RSRC1: variants seen among roughly 807,000 people sequenced by gnomAD.
The protein encoded by RSRC1 is serine/Arginine-related protein 53.
A neutral mutation model predicts 49.1 loss-of-function variants in RSRC1; 39 were observed. The ratio of observed to expected loss-of-function variants is 0.79; its 90% CI spans 0.61 to 1.04. The LOEUF (loss-of-function observed/expected upper bound fraction) is 1.04. Ranked by LOEUF, RSRC1 falls within the 50% of genes least tolerant of loss-of-function variation. The pLI, the probability that RSRC1 is intolerant of heterozygous loss-of-function variation, is 0.00. For synonymous variants in RSRC1, 143 were observed against 130.8 expected (o/e 1.09, Z -0.63); for missense variants, 388 against 402.4 (o/e 0.96, Z 0.31).
At chr3:158,435,219 A>AT (rs1285924280) in intron 6 of RSRC1, among the ~76,000 whole-genome samples, 4 of 151,588 alleles carry the variant, frequency 2.6e-5, no homozygotes, top group Admixed American at 1.3e-4. Context: ...AATCTCTTGC[A>AT]TTTTTTTTAA....
At chr3:158,516,820 C>T (rs536131992) in intron 7 of RSRC1, among the ~76,000 whole-genome samples, 7 of 152,316 alleles carry the variant, frequency 4.6e-5, no homozygotes, top group South Asian at 2.1e-4. Context: ...TTAAGCCCGT[C>T]GGAAAAGTGC....
chr3:158,444,601 A>G (rs532667988), intron 6 of RSRC1, among the ~76,000 whole-genome samples: 1 of 152,310 alleles, frequency 6.6e-6, no homozygotes, highest in South Asian at 2.1e-4. Flanking sequence ...GGCATGGGCA[A>G]GGACTTCATG....
intron 6 of RSRC1, among the ~76,000 whole-genome samples, chr3:158,442,271 G>A (rs1263136641): frequency 1.3e-5 from 2 of 152,022 alleles, no homozygotes; most frequent in Non-Finnish European, 2.9e-5. Context: ...AACATGCAAT[G>A]CTATTAGATA....
chr3:158,288,511 G>A (rs140701263), intron 4 of RSRC1, among the ~76,000 whole-genome samples: 14 of 152,258 alleles, frequency 9.2e-5, no homozygotes, highest in African/African-American at 3.1e-4. Context: ...TTTGTCCTGC[G>A]TGTGGGAAGT....
rs1295692839 is a variant in RSRC1, at chr3:158,347,647, A to G, written c.532-7210A>G. Among the ~76,000 whole-genome samples the G allele has an allele frequency of 1.4e-4, 21 of 152,210 alleles. No homozygotes were observed. In the East Asian group the frequency reaches 2.5e-3, roughly 18 times the overall value. ...TGCAACCTCAAACTCCTGGGCTCAA[A>G]TAATCCTCCCGCCTCTGCCTCCCAA... On this transcript the variant is annotated intron_variant, in intron 5 of 9. Coordinates refer to ENST00000611884, the MANE Select transcript of RSRC1 (RefSeq NM_001271838.2).
intron 3 of RSRC1, among the ~76,000 whole-genome samples, chr3:158,126,572 G>A (rs1297908083): frequency 2.0e-5 from 3 of 151,882 alleles, no homozygotes; most frequent in Non-Finnish European, 4.4e-5. Context: ...TTTTTATACT[G>A]TCATCTTTTC....
At chr3:158,410,494 G>T (rs1205280783) in intron 6 of RSRC1, among the ~76,000 whole-genome samples, 2 of 152,094 alleles carry the variant, frequency 1.3e-5, no homozygotes, top group Non-Finnish European at 2.9e-5. Flanking sequence ...TGATTTTCAT[G>T]ATTGTCTGAT....
intron 7 of RSRC1, among the ~76,000 whole-genome samples, chr3:158,515,402 T>C (rs1740458667): frequency 7.8e-6 from 1 of 128,906 alleles, no homozygotes; most frequent in Non-Finnish European, 1.6e-5. Flanking sequence ...AAAATTCTTT[T>C]CTTTAAGAAT....
intron 5 of RSRC1, among the ~76,000 whole-genome samples, chr3:158,316,515 G>C (rs951117280): frequency 2.1e-5 from 3 of 139,634 alleles, no homozygotes; most frequent in Non-Finnish European, 4.5e-5. Context: ...CGCGATCTCG[G>C]CTCACTGCAG....
chr3:158,516,297 G>A (rs1459963240), intron 7 of RSRC1, among the ~76,000 whole-genome samples: 7 of 151,384 alleles, frequency 4.6e-5, no homozygotes, highest in African/African-American at 9.7e-5. Flanking sequence ...CTTTCTGTTT[G>A]TTAGTTTTCC....
intron 4 of RSRC1, among the ~76,000 whole-genome samples, chr3:158,250,590 A>G (rs532750972): frequency 2.7e-4 from 41 of 152,264 alleles, no homozygotes; most frequent in African/African-American, 9.4e-4. Flanking sequence ...CTTTTCAAAT[A>G]CCTGTTTGTC....
At chr3:158,416,978 T>C (rs1268814250) in intron 6 of RSRC1, among the ~76,000 whole-genome samples, 1 of 152,058 alleles carries the variant, frequency 6.6e-6, no homozygotes, top group Non-Finnish European at 1.5e-5. Context: ...TTTGAATTCA[T>C]ATATATTTCT....
chr3:158,512,670 A>G (rs1740258348), intron 7 of RSRC1, among the ~76,000 whole-genome samples: 1 of 150,204 alleles, frequency 6.7e-6, no homozygotes. Context: ...TGGTAGCTTG[A>G]TGGGGATGGC....
At chr3:158,249,363 G>A (rs1191662052) in intron 4 of RSRC1, among the ~76,000 whole-genome samples, 4 of 152,064 alleles carry the variant, frequency 2.6e-5, no homozygotes, top group Admixed American at 2.0e-4. Context: ...AAATAAAATC[G>A]CTTACAGGAT....
Position 158,153,338 on chromosome 3 carries a change from A to AC in RSRC1, c.320+29353dup, listed in dbSNP as rs535225445. Among the ~76,000 whole-genome samples, 144 of 152,000 alleles carry AC rather than the reference A, an allele frequency of 9.5e-4. 4 individuals are homozygous for AC. In the South Asian group the frequency reaches 0.026, roughly 28 times the overall value. On this transcript the variant is annotated intron_variant, in intron 3 of 9. Coordinates refer to ENST00000611884, the MANE Select transcript of RSRC1 (RefSeq NM_001271838.2). The stretch of plus-strand genomic sequence containing the variant: ...AGAGTTGCCAGTAGAGGCAATTCCC[A>AC]CCCCCCTATTTATTGGTTATTTTCT...
chr3:158,445,528 C>T (rs114632728), intron 6 of RSRC1, among the ~76,000 whole-genome samples: 9,357 of 151,966 alleles, frequency 0.062, 330 homozygotes, highest in South Asian at 0.12. Flanking sequence ...CGGGGAGGGA[C>T]AGCATTAGGA....
In RSRC1 at chr3:158,135,442, T is replaced by A. The variant is rs556261678; in HGVS notation, c.320+11451T>A. ...GCACCACCACACCCAGCTATTTTTTTTTTTTTTTTGAATTTTTAGTAGAGA... is the reference window on the plus strand; with the variant it reads ...GCACCACCACACCCAGCTATTTTTTATTTTTTTTTGAATTTTTAGTAGAGA... On this transcript the variant is annotated intron_variant, in intron 3 of 9. Coordinates refer to ENST00000611884, the MANE Select transcript of RSRC1 (RefSeq NM_001271838.2). Among the ~76,000 whole-genome samples, 4 of 151,688 alleles carry A rather than the reference T, an allele frequency of 2.6e-5. No individual in the cohort carries two copies. The East Asian group carries it at 7.8e-4, about 29-fold the overall frequency.
intron 7 of RSRC1, among the ~76,000 whole-genome samples, chr3:158,527,043 G>A (rs966729142): frequency 2.7e-5 from 4 of 146,126 alleles, no homozygotes; most frequent in East Asian, 2.0e-4. Context: ...AGTCATCACC[G>A]TATCTATATC....
intron 6 of RSRC1, 61 bp downstream of exon 6, chr3:158,354,969 A>G (rs1394563428): frequency 5.3e-6 from 6 of 1,125,730 alleles, no homozygotes; most frequent in African/African-American, 4.9e-5. Flanking sequence ...CTAGGCTGGT[A>G]GCATGCTTAG....
Sources: allele counts gnomAD v4.1 joint callset (sites outside exome capture counted in the v4.1 genomes callset), GRCh38; gene constraint gnomAD v4.1.1; transcripts MANE v1.5; gene names NCBI Gene and HGNC (gene_info 2026-07-23, HGNC 2026-07-21).